FAM13A: variants seen among roughly 807,000 people sequenced by gnomAD.
The protein encoded by FAM13A is family with sequence similarity 13 member A, also known as protein FAM13A.
FAM13A carries 76 observed loss-of-function variants against 129.6 expected under a neutral mutation model. The observed-to-expected ratio is 0.59, with a 90% confidence interval of 0.49 to 0.71. The LOEUF (loss-of-function observed/expected upper bound fraction) is 0.71, where lower values mean the gene tolerates loss of function less well. Among genes scored for constraint, FAM13A ranks in the 30% least tolerant of loss-of-function variants. The probability of loss-of-function intolerance (pLI) is 0.00; values close to 1 mark genes in which losing one functional copy is unlikely to be tolerated. For synonymous variants in FAM13A, 443 were observed against 449.9 expected, an observed-to-expected ratio of 0.98 and a Z score of 0.20; for missense variants, 1,108 against 1,249.3, an observed-to-expected ratio of 0.89 and a Z score of 1.70.
chr4:88,964,633 CT>C (rs763599993), intron 4 of FAM13A, among the ~76,000 whole-genome samples: 6,262 of 135,592 alleles, frequency 0.046, 162 homozygotes, highest in South Asian at 0.21. Context: ...ACACTCTGCT[CT>C]TTTTTTTTTT....
intron 4 of FAM13A, among the ~76,000 whole-genome samples, chr4:88,950,345 T>C (rs1378027404): frequency 6.6e-6 from 1 of 151,884 alleles, no homozygotes; most frequent in African/African-American, 2.4e-5. Flanking sequence ...GGACTATAGG[T>C]GTGCACGGCT....
Position 88,880,778 on chromosome 4 carries a change from G to C in FAM13A, c.843+25601C>G, listed in dbSNP as rs189342990. 8.9e-3 allele frequency among the ~76,000 whole-genome samples: 1,117 copies of C among 125,784 alleles called. 35 individuals carry two copies. Among genetic ancestry groups the C allele is most frequent in the African/African-American group, 0.032 (1,049 of 32,710 alleles). The allele number at this position is 125,784 out of a possible 152,430, so 82.5% of individuals were successfully genotyped here. A position where few individuals can be genotyped will look rare whatever the true frequency, so the allele number is the denominator to read the frequency against. The stretch of plus-strand genomic sequence containing the variant: ...CAGAGCTGTTGCGGGTGGTGCGGTG[G>C]GGGGCGGGGGGGGGGGGGGCACAGT... On this transcript the variant is annotated intron_variant, in intron 6 of 23. Coordinates refer to ENST00000264344, the MANE Select transcript of FAM13A (RefSeq NM_014883.4).
At chr4:89,045,890 G>C (rs1466816576) in intron 1 of FAM13A, among the ~76,000 whole-genome samples, 1 of 151,976 alleles carries the variant, frequency 6.6e-6, no homozygotes, top group African/African-American at 2.4e-5. Flanking sequence ...TGGGCATGGT[G>C]ACGCATGCCT....
intron 20 of FAM13A, among the ~76,000 whole-genome samples, 186 bp downstream of exon 20, chr4:88,738,844 A>G (rs796978754): frequency 1.7e-4 from 26 of 152,340 alleles, no homozygotes; most frequent in African/African-American, 5.5e-4. Context: ...TTTTTAACAA[A>G]TGTAGCCTCA....
chr4:88,987,845 A>AAAAAAAAAAAAAAAAAC (rs1232268574), intron 4 of FAM13A, among the ~76,000 whole-genome samples: 1 of 150,926 alleles, frequency 6.6e-6, no homozygotes, highest in East Asian at 2.0e-4. Flanking sequence ...TCTCAAAAAA[A>AAAAAAAAAAAAAAAAAC]AAAAAAAAAA....
Position 88,945,990 on chromosome 4 carries a change from G to GTGTGTGTGTGTATATATATATATA in FAM13A, c.606-7750_606-7749insTATATATATATATACACACACACA. Among the ~76,000 whole-genome samples, 146 of 61,704 alleles carry GTGTGTGTGTGTATATATATATATA rather than the reference G, an allele frequency of 2.4e-3. 2 individuals are homozygous for GTGTGTGTGTGTATATATATATATA. The highest frequency in any genetic ancestry group is 3.2e-3 in the Non-Finnish European group (110 of 34,490). 40.5% of individuals were successfully genotyped at this position (61,704 alleles called of 152,430 possible). ...TGTGTGTGTGTGTGTGTGTGTGTGT[G>GTGTGTGTGTGTATATATATATATA]TATATATATATATATATATATATAT... On this transcript the variant is annotated intron_variant, in intron 4 of 23. Transcript: ENST00000264344.
intron 3 of FAM13A, among the ~76,000 whole-genome samples, chr4:88,997,578 T>C (rs1763726114): frequency 7.2e-6 from 1 of 138,504 alleles, no homozygotes; most frequent in Non-Finnish European, 1.6e-5. Context: ...ATTATAATTA[T>C]AATCAGCAAT....
At chr4:88,934,985 T>A (rs974609566) in intron 5 of FAM13A, among the ~76,000 whole-genome samples, 2 of 152,208 alleles carry the variant, frequency 1.3e-5, no homozygotes, top group South Asian at 4.1e-4. Context: ...TGTAGGGACC[T>A]AGGTTCACTC....
intron 6 of FAM13A, among the ~76,000 whole-genome samples, chr4:88,877,531 T>C (rs1331157977): frequency 6.6e-6 from 1 of 152,222 alleles, no homozygotes; most frequent in African/African-American, 2.4e-5. Context: ...AATTTGAATA[T>C]ATCTTTCTTA....
At chr4:88,745,436 T>G (rs1741119120) in intron 19 of FAM13A, among the ~76,000 whole-genome samples, 1 of 152,202 alleles carries the variant, frequency 6.6e-6, no homozygotes, top group Non-Finnish European at 1.5e-5. Context: ...AGGTGAAGTC[T>G]ATCTAGAACA....
intron 2 of FAM13A, among the ~76,000 whole-genome samples, chr4:89,023,369 C>A (rs529890991): frequency 7.9e-5 from 12 of 151,966 alleles, no homozygotes; most frequent in African/African-American, 2.9e-4. Flanking sequence ...AGCTGCTTAA[C>A]CTAATCTTGC....
At chr4:88,843,370 C>T (rs59522362) in intron 7 of FAM13A, among the ~76,000 whole-genome samples, 10,629 of 152,212 alleles carry the variant, frequency 0.07, 525 homozygotes, top group African/African-American at 0.14. Flanking sequence ...ATATTGTACA[C>T]GTGATTATAA....
chr4:89,055,048 T>C (rs1477921103), intron 1 of FAM13A, among the ~76,000 whole-genome samples: 1 of 152,228 alleles, frequency 6.6e-6, no homozygotes, highest in African/African-American at 2.4e-5. Context: ...CATATACATA[T>C]TAATAAATTT....
At chr4:88,953,705 T>C (rs1215164692) in intron 4 of FAM13A, among the ~76,000 whole-genome samples, 1 of 152,174 alleles carries the variant, frequency 6.6e-6, no homozygotes, top group Admixed American at 6.5e-5. Context: ...AGGTACCTCA[T>C]ATAAGTGGAA....
intron 10 of FAM13A, among the ~76,000 whole-genome samples, chr4:88,783,168 T>C (rs1723280247): frequency 6.6e-6 from 1 of 152,184 alleles, no homozygotes; most frequent in Admixed American, 6.5e-5. Context: ...TAATGTATAA[T>C]TAATTTATTT....
intron 9 of FAM13A, among the ~76,000 whole-genome samples, chr4:88,788,838 T>C (rs2149665846): frequency 6.6e-6 from 1 of 152,268 alleles, no homozygotes; most frequent in South Asian, 2.1e-4. Flanking sequence ...TTAAATAAAC[T>C]GTGTTTTGAG....
At chr4:89,040,279 C>T (rs1513824) in intron 1 of FAM13A, among the ~76,000 whole-genome samples, 89,068 of 151,908 alleles carry the variant, frequency 0.59, 26,680 homozygotes, top group Middle Eastern at 0.69. Flanking sequence ...ACAAATATCA[C>T]GGAATGCTGA....
chr4:88,865,885 T>C lies in FAM13A; in HGVS notation c.844-14702A>G, dbSNP rs1740331210. On this transcript the variant is annotated intron_variant, in intron 6 of 23. Coordinates refer to ENST00000264344, the MANE Select transcript of FAM13A (RefSeq NM_014883.4). ...TTTTTCCTTTGTCTCTCTCTTTTTT[T>C]TTTTTTTTTTTTTTTTTTTTTTGAG... Among the ~76,000 whole-genome samples the C allele has an allele frequency of 1.9e-4, 25 of 134,356 alleles. 1 individual carries two copies. The South Asian group carries it at 6.1e-3, about 33-fold the overall frequency. 88.1% of individuals were successfully genotyped at this position (134,356 alleles called of 152,430 possible).
Position 88,986,699 on chromosome 4 carries a change from C to T in FAM13A, c.605+4274G>A, listed in dbSNP as rs542504167. 1.2e-4 allele frequency among the ~76,000 whole-genome samples: 19 copies of T among 152,264 alleles called. No individual in the cohort carries two copies. The East Asian group carries it at 3.5e-3, about 28-fold the overall frequency. ...TTTATTTATATCTATACATAAAATA[C>T]ACATTTTATTATGTTGTGGAGAAAA... On this transcript the variant is annotated intron_variant, in intron 4 of 23. Transcript: ENST00000264344.
Sources: allele counts gnomAD v4.1 joint callset (sites outside exome capture counted in the v4.1 genomes callset), GRCh38; gene constraint gnomAD v4.1.1; transcripts MANE v1.5; gene names NCBI Gene and HGNC (gene_info 2026-07-23, HGNC 2026-07-21).